Variants in GNG7 observed in about 807,000 individuals in gnomAD.
The protein encoded by GNG7 is G protein subunit gamma 7.
A neutral mutation model predicts 4.0 loss-of-function variants in GNG7; 1 was observed. The observed-to-expected ratio is 0.25, with a 90% CI of 0.09 to 1.18. The LOEUF (loss-of-function observed/expected upper bound fraction) is 1.18. GNG7 is among the 50% of genes most tolerant of loss of function. The pLI, the probability that GNG7 is intolerant of heterozygous loss-of-function variation, is 0.50. For synonymous variants in GNG7, 34 were observed against 36.9 expected (o/e 0.92, Z 0.29); for missense variants, 86 against 91.9 (o/e 0.94, Z 0.26).
In GNG7 at chr19:2,511,701, C is replaced by G. The variant is rs1262813521; in HGVS notation, c.*3321G>C. The G allele has an allele frequency of 1.4e-6, 1 of 695,234 alleles. No homozygotes were observed. Among genetic ancestry groups the G allele is most frequent in the Non-Finnish European group, 1.8e-6 (1 of 564,744 alleles). The allele number at this position is 695,234 out of a possible 1,614,324, so 43.1% of individuals were successfully genotyped here. ...GTGGCCTGGAGGCCTAGCGTTGCGC[C>G]TCGGACACGGTGGCCGGCCCGTCAA... On this transcript the variant is annotated 3_prime_UTR_variant, in exon 5 of 5. Coordinates refer to ENST00000382159, the MANE Select transcript of GNG7 (RefSeq NM_052847.3). This position sits in a 1 kb window ranked among gnomAD's most constrained non-coding sequence, Gnocchi z 6.3.
At position 2,513,624 on chromosome 19, in the gene GNG7, G is replaced by T. The variant is rs1972686509; in HGVS notation, c.*1398C>A. On this transcript the variant is annotated 3_prime_UTR_variant, in exon 5 of 5. Coordinates refer to ENST00000382159, the MANE Select transcript of GNG7 (RefSeq NM_052847.3). The stretch of plus-strand genomic sequence containing the variant: ...AGACAGCCGTCCTGGGTTGCACGGG[G>T]GTGGAAAAGCAAAAAGATCGGGTTC... 2 of 973,006 alleles carry T rather than the reference G, an allele frequency of 2.1e-6. No homozygotes were observed. The highest frequency in any genetic ancestry group is 2.3e-4 in the East Asian group (2 of 8,740). The allele number at this position is 973,006 out of a possible 1,614,324, so 60.3% of individuals were successfully genotyped here. A position where few individuals can be genotyped will look rare whatever the true frequency, so the allele number is the denominator to read the frequency against.
chr19:2,523,581 G>GAATCC (rs1978321347), intron 3 of GNG7, among the ~76,000 whole-genome samples: 1 of 152,050 alleles, frequency 6.6e-6, no homozygotes, highest in African/African-American at 2.4e-5. Flanking sequence ...CTACGGTGAT[G>GAATCC]AATCCACAAG....
intron 1 of GNG7, among the ~76,000 whole-genome samples, chr19:2,652,505 G>C (rs1050183171): frequency 2.0e-5 from 3 of 152,158 alleles, no homozygotes; most frequent in African/African-American, 7.2e-5. Context: ...TGTAATCCCA[G>C]CTACTCAGGA....
At chr19:2,615,509 C>CAAG (rs1274800160) in intron 2 of GNG7, among the ~76,000 whole-genome samples, 1 of 123,548 alleles carries the variant, frequency 8.1e-6, no homozygotes, top group African/African-American at 3.1e-5. Context: ...GTTGCCCAGG[C>CAAG]TGGAGTGCAG....
rs182826376 is a variant in GNG7, at chr19:2,521,513, G to A, written c.-37-788C>T. Among the ~76,000 whole-genome samples, 3 of 151,906 alleles carry A rather than the reference G, an allele frequency of 2.0e-5. 1 individual carries two copies. Among genetic ancestry groups the A allele is most frequent in the Admixed American group, 2.0e-4 (3 of 15,262 alleles). ...CCTGCAGTGCCCCGGACGGCCCCAC[G>A]CCAGGGAAGGATCCGAACGCGATAT... On this transcript the variant is annotated intron_variant, in intron 3 of 4. Transcript: ENST00000382159.
At chr19:2,608,040 A>G (rs1981444442) in intron 2 of GNG7, among the ~76,000 whole-genome samples, 1 of 139,300 alleles carries the variant, frequency 7.2e-6, no homozygotes. Flanking sequence ...AGAAGATCAG[A>G]TGGTATTTGA....
intron 2 of GNG7, among the ~76,000 whole-genome samples, chr19:2,597,140 C>T (rs1483060355): frequency 1.3e-5 from 2 of 151,822 alleles, no homozygotes; most frequent in Non-Finnish European, 2.9e-5. Flanking sequence ...TGGTGTGCAC[C>T]TGTTATCCCA....
At chr19:2,684,748 G>T (rs181001384) in intron 1 of GNG7, among the ~76,000 whole-genome samples, 1 of 152,236 alleles carries the variant, frequency 6.6e-6, no homozygotes, top group Admixed American at 6.5e-5. Context: ...CAGCACTTTG[G>T]GAGGCCGAGG....
intron 1 of GNG7, among the ~76,000 whole-genome samples, chr19:2,688,502 T>A (rs933197718): frequency 6.6e-6 from 1 of 152,166 alleles, no homozygotes; most frequent in African/African-American, 2.4e-5. Context: ...CTACGTGTTC[T>A]TTCCCGAAAC....
rs182357220 is a variant in GNG7, at chr19:2,673,665, G to C, written c.-134-27385C>G. ...CCAAGATCACACCACTGGCACTCCA[G>C]CCTGGGTGAAAGAGCGAGACTCCAT... On this transcript the variant is annotated intron_variant, in intron 1 of 4. Transcript: ENST00000382159. Among the ~76,000 whole-genome samples the C allele has an allele frequency of 7.2e-3, 1,056 of 147,616 alleles. 11 individuals are homozygous for C. Among genetic ancestry groups the C allele is most frequent in the African/African-American group, 0.025 (994 of 39,604 alleles).
At position 2,614,946 on chromosome 19, in the gene GNG7, T is replaced by C. The variant is rs1599423088; in HGVS notation, c.-78+31278A>G. On this transcript the variant is annotated intron_variant, in intron 2 of 4. Coordinates refer to ENST00000382159, the MANE Select transcript of GNG7 (RefSeq NM_052847.3). The surrounding 1 kb of genome is among the most constrained non-coding windows in gnomAD (Gnocchi z 6.0). ...GTTCCTCAGCTTTTAAACAAGGCAC[T>C]GAGGCAGGAGGCAGGCAGCTGATTG... Among the ~76,000 whole-genome samples the C allele has an allele frequency of 6.6e-6, 1 of 152,180 alleles. No homozygotes were observed. The highest frequency in any genetic ancestry group is 2.1e-4 in the South Asian group (1 of 4,830).
chr19:2,645,316 G>A (rs1982637018), intron 2 of GNG7, among the ~76,000 whole-genome samples: 1 of 148,206 alleles, frequency 6.7e-6, no homozygotes, highest in African/African-American at 2.5e-5. Flanking sequence ...TTGGCTCACT[G>A]CAACCACCAT....
At chr19:2,654,429 C>T (rs1387528395) in intron 1 of GNG7, among the ~76,000 whole-genome samples, 1 of 151,958 alleles carries the variant, frequency 6.6e-6, no homozygotes, top group Non-Finnish European at 1.5e-5. Context: ...CCCTGGCCTC[C>T]ACCCACTCTA....
intron 2 of GNG7, among the ~76,000 whole-genome samples, chr19:2,565,524 A>AT (rs1491247067): frequency 1.2e-5 from 1 of 82,698 alleles, no homozygotes; most frequent in Non-Finnish European, 3.6e-5. Context: ...AAAAAAAAAA[A>AT]CAAAAACAAA....
Position 2,644,327 on chromosome 19 carries a change from TTATATATATATATATATATATATATATA to T in GNG7, c.-78+1869_-78+1896del, listed in dbSNP as rs56143197. On this transcript the variant is annotated intron_variant, in intron 2 of 4. Coordinates refer to ENST00000382159, the MANE Select transcript of GNG7 (RefSeq NM_052847.3). Reference sequence around the variant, plus strand: ...TGAGCCACTGCACCCGGCCTACACTTTATATATATATATATATATATATATATATATATATATATATATATATATATAT... The same window carrying T: ...TGAGCCACTGCACCCGGCCTACACTTTATATATATATATATATATATATAT... Among the ~76,000 whole-genome samples the T allele has an allele frequency of 7.4e-3, 843 of 114,482 alleles. 15 individuals are homozygous for T. The highest frequency in any genetic ancestry group is 0.011 in the Non-Finnish European group (617 of 55,366). The allele number at this position is 114,482 out of a possible 152,430, so 75.1% of individuals were successfully genotyped here.
At chr19:2,542,732 T>C (rs895226941) in intron 3 of GNG7, among the ~76,000 whole-genome samples, 2 of 152,162 alleles carry the variant, frequency 1.3e-5, no homozygotes, top group Non-Finnish European at 2.9e-5. Context: ...AGGATGGGAC[T>C]GGTTGGGGTC....
chr19:2,600,992 A>G (rs561604911), intron 2 of GNG7, among the ~76,000 whole-genome samples: 27 of 152,176 alleles, frequency 1.8e-4, no homozygotes, highest in Non-Finnish European at 3.2e-4. Flanking sequence ...AACATAAAGC[A>G]GTTGTGGTGG....
intron 2 of GNG7, among the ~76,000 whole-genome samples, chr19:2,567,053 C>T (rs1248623459): frequency 6.7e-5 from 10 of 149,636 alleles, no homozygotes; most frequent in Non-Finnish European, 1.5e-4. Flanking sequence ...TGCAGTGAGC[C>T]GAGATCGCGC....
intron 3 of GNG7, among the ~76,000 whole-genome samples, chr19:2,536,283 T>C (rs1978733537): frequency 6.6e-6 from 1 of 151,884 alleles, no homozygotes; most frequent in Non-Finnish European, 1.5e-5. Context: ...CTGGGTGTGG[T>C]GGCGGGCGCC....
Sources: allele counts gnomAD v4.1 joint callset (sites outside exome capture counted in the v4.1 genomes callset), GRCh38; gene constraint gnomAD v4.1.1; non-coding constraint Gnocchi (gnomAD v3.1); transcripts MANE v1.5; gene names NCBI Gene and HGNC (gene_info 2026-07-23, HGNC 2026-07-21).